SNRK: variants seen among roughly 807,000 people sequenced by gnomAD.
SNRK encodes the protein SNF related kinase.
SNRK carries 3 observed loss-of-function variants against 48.2 expected under a neutral mutation model. That is an observed-to-expected ratio of 0.06 (90% CI 0.03 to 0.16). The LOEUF (loss-of-function observed/expected upper bound fraction) is 0.16. Ranked by LOEUF, SNRK falls within the 10% of genes least tolerant of loss-of-function variation. The pLI, the probability that SNRK is intolerant of heterozygous loss-of-function variation, is 1.00. For synonymous variants in SNRK, 376 were observed against 366.1 expected, an observed-to-expected ratio of 1.03 and a Z score of -0.31; for missense variants, 627 against 976.0, an observed-to-expected ratio of 0.64 and a Z score of 4.76.
intron 3 of SNRK, among the ~76,000 whole-genome samples, chr3:43,325,816 C>G (rs1427402621): frequency 6.6e-6 from 1 of 152,084 alleles, no homozygotes; most frequent in Non-Finnish European, 1.5e-5. Context: ...AATGGGTCCC[C>G]CCTTGGATGA....
At chr3:43,297,109 C>G (rs1361959889) in intron 1 of SNRK, among the ~76,000 whole-genome samples, 1 of 152,096 alleles carries the variant, frequency 6.6e-6, no homozygotes, top group Non-Finnish European at 1.5e-5. Flanking sequence ...GACATGTTAT[C>G]TTAGCTGTAT....
At chr3:43,314,230 G>C (rs983092945) in intron 3 of SNRK, among the ~76,000 whole-genome samples, 2 of 152,150 alleles carry the variant, frequency 1.3e-5, no homozygotes, top group Non-Finnish European at 2.9e-5. Flanking sequence ...CCTCCATAAT[G>C]AGGAAGGATA....
intron 1 of SNRK, among the ~76,000 whole-genome samples, chr3:43,298,157 A>T (rs1409724967): frequency 6.6e-6 from 1 of 152,152 alleles, no homozygotes; most frequent in East Asian, 1.9e-4. Context: ...TTTTCTTATT[A>T]CTAACATTTT....
At position 43,343,427 on chromosome 3, in the gene SNRK, A is replaced by G; in HGVS notation, c.1028A>G (p.Lys343Arg). ...AERILREKQE[K>R]EIQTRSASPS... ...AGGATCCTGAGAGAAAAGCAAGAGA[A>G]AGAAATACAGACCAGATCTGCAAGC... Residue 343 changes from lysine (K) to arginine (R), a missense_variant, in exon 6 of 7, where the codon AAA (lysine) becomes AGA (arginine). By Grantham distance (26) the Lys-to-Arg change is conservative (BLOSUM62 2). Coordinates refer to ENST00000296088, the MANE Select transcript of SNRK (RefSeq NM_017719.5). The G allele has an allele frequency of 1.2e-6, 2 of 1,614,232 alleles. No homozygotes were observed. The highest frequency in any genetic ancestry group is 1.7e-6 in the Non-Finnish European group (2 of 1,180,030).
intron 3 of SNRK, among the ~76,000 whole-genome samples, chr3:43,315,800 G>C (rs1008140437): frequency 6.6e-6 from 1 of 152,138 alleles, no homozygotes; most frequent in African/African-American, 2.4e-5. Context: ...AACGAACAAC[G>C]TATCCATAGA....
intron 3 of SNRK, among the ~76,000 whole-genome samples, chr3:43,321,890 C>T (rs1386432270): frequency 2.0e-5 from 3 of 152,208 alleles, no homozygotes; most frequent in African/African-American, 7.2e-5. Flanking sequence ...ACTTAATGAG[C>T]AGGTGAATTT....
intron 5 of SNRK, among the ~76,000 whole-genome samples, chr3:43,342,939 T>C (rs1018106437): frequency 7.9e-5 from 12 of 152,346 alleles, no homozygotes; most frequent in African/African-American, 2.9e-4. Flanking sequence ...TCAGTGCACA[T>C]TCATGTAACA....
At chr3:43,315,309 C>G (rs529090221) in intron 3 of SNRK, 1 of 152,308 alleles carries the variant, frequency 6.6e-6, no homozygotes, top group South Asian at 2.1e-4. Flanking sequence ...ACCTTTATTT[C>G]AGATTCCAGA....
At position 43,332,105 on chromosome 3, in the gene SNRK, G is replaced by A. The variant is rs17075570; in HGVS notation, c.590-64G>A. The A allele has an allele frequency of 1.0e-4, 125 of 1,194,052 alleles. No individual in the cohort carries two copies. In the South Asian group the frequency reaches 2.1e-3, roughly 20 times the overall value. 74.0% of individuals were successfully genotyped at this position (1,194,052 alleles called of 1,614,324 possible). A position where few individuals can be genotyped will look rare whatever the true frequency, so the allele number is the denominator to read the frequency against. ...CTCAAGATAAAATAATATTGTTAGCGCACTTTTAATGTTTTTGGTTTTCTA... is the reference window on the plus strand; with the variant it reads ...CTCAAGATAAAATAATATTGTTAGCACACTTTTAATGTTTTTGGTTTTCTA... On this transcript the variant is annotated intron_variant, in intron 3 of 6. Transcript: ENST00000296088.
At chr3:43,332,100 T>C in intron 3 of SNRK, 69 bp from the exon 4 acceptor site, 1 of 1,174,408 alleles carries the variant, frequency 8.5e-7, no homozygotes, top group Non-Finnish European at 1.1e-6. Flanking sequence ...AATAATATTG[T>C]TAGCGCACTT....
intron 1 of SNRK, among the ~76,000 whole-genome samples, chr3:43,298,107 A>T (rs1310924732): frequency 6.6e-6 from 1 of 152,124 alleles, no homozygotes; most frequent in Non-Finnish European, 1.5e-5. Context: ...CACTTTACCT[A>T]TATTAAGTCG....
chr3:43,293,427 A>G (rs1459192347), intron 1 of SNRK, among the ~76,000 whole-genome samples: 1 of 152,220 alleles, frequency 6.6e-6, no homozygotes, highest in African/African-American at 2.4e-5. Flanking sequence ...AATGGAATGA[A>G]TAATTATGTA....
In SNRK at chr3:43,303,083, C is replaced by T; in HGVS notation, c.-106-15C>T. ...GTCGCAGAAACTTAATTTTGTTTCT[C>T]TTCTTATTTTGTAGATATCCATGAC... On this transcript the variant is annotated splice_polypyrimidine_tract_variant and intron_variant, in intron 2 of 6. Transcript: ENST00000296088. This position sits in a 1 kb window ranked among gnomAD's most constrained non-coding sequence, Gnocchi z 6.2. The T allele has an allele frequency of 3.4e-6, 2 of 592,366 alleles. No homozygotes were observed. The highest frequency in any genetic ancestry group is 3.8e-5 in the Admixed American group (1 of 26,464). The allele number at this position is 592,366 out of a possible 1,614,324, so 36.7% of individuals were successfully genotyped here. A position where few individuals can be genotyped will look rare whatever the true frequency, so the allele number is the denominator to read the frequency against.
At chr3:43,344,534 G>A (rs1355260844) in intron 6 of SNRK, among the ~76,000 whole-genome samples, 1 of 152,116 alleles carries the variant, frequency 6.6e-6, no homozygotes, top group East Asian at 1.9e-4. Context: ...TGTGAACTTT[G>A]TTGCTTGGGT....
intron 3 of SNRK, among the ~76,000 whole-genome samples, chr3:43,310,959 T>C (rs562725486): frequency 7.2e-5 from 11 of 152,190 alleles, no homozygotes; most frequent in Non-Finnish European, 1.2e-4. Context: ...TAGTTGTTTG[T>C]TCATCTCTGT....
At chr3:43,297,292 G>A (rs190839134) in intron 1 of SNRK, among the ~76,000 whole-genome samples, 25 of 152,250 alleles carry the variant, frequency 1.6e-4, no homozygotes, top group South Asian at 1.0e-3. Flanking sequence ...ATAGATGAGC[G>A]TATAGGTGAT....
intron 1 of SNRK, among the ~76,000 whole-genome samples, chr3:43,288,703 C>T (rs1339092072): frequency 6.6e-6 from 1 of 152,102 alleles, no homozygotes; most frequent in East Asian, 1.9e-4. Flanking sequence ...CTTTACACTG[C>T]CCAAGAAGAA....
intron 1 of SNRK, among the ~76,000 whole-genome samples, chr3:43,287,391 T>TTTA (rs930058524): frequency 6.6e-6 from 1 of 152,136 alleles, no homozygotes; most frequent in Non-Finnish European, 1.5e-5. Context: ...GTGGCAGCCT[T>TTTA]TTATCTTCGG....
At chr3:43,295,632 T>G (rs1403174861) in intron 1 of SNRK, among the ~76,000 whole-genome samples, 2 of 152,270 alleles carry the variant, frequency 1.3e-5, no homozygotes, top group African/African-American at 4.8e-5. Flanking sequence ...TGAATTCTTT[T>G]ACAACTTAGG....
Sources: allele counts gnomAD v4.1 joint callset (sites outside exome capture counted in the v4.1 genomes callset), GRCh38; gene constraint gnomAD v4.1.1; non-coding constraint Gnocchi (gnomAD v3.1); transcripts MANE v1.5; gene names NCBI Gene and HGNC (gene_info 2026-07-23, HGNC 2026-07-21).